The following ROBO1 variants were observed in gnomAD, a reference collection of about 807,000 sequenced individuals.
The protein encoded by ROBO1 is roundabout guidance receptor 1.
Under a neutral mutation model 195.9 loss-of-function variants are expected in ROBO1, and 149 were observed. The observed-to-expected ratio is 0.76, with a 90% CI of 0.67 to 0.87. The LOEUF is 0.87. Ranked by LOEUF, ROBO1 falls within the 40% of genes least tolerant of loss-of-function variation. The probability of loss-of-function intolerance (pLI) is 0.00; values close to 1 mark genes in which losing one functional copy is unlikely to be tolerated. For synonymous variants in ROBO1, 816 were observed against 733.2 expected, an observed-to-expected ratio of 1.11 and a Z score of -1.82; for missense variants, 1,933 against 2,068.3, an observed-to-expected ratio of 0.93 and a Z score of 1.27.
At chr3:78,704,595 TACACACACACACACACACAG>T (rs1289233088) in intron 8 of ROBO1, among the ~76,000 whole-genome samples, 3 of 141,082 alleles carry the variant, frequency 2.1e-5, no homozygotes, top group Admixed American at 1.5e-4. Context: ...AACACACACA[TACACACACACACACACACAG>T]ACACACACAC....
At chr3:79,440,775 T>C (rs1414721359) in intron 2 of ROBO1, among the ~76,000 whole-genome samples, 4 of 152,130 alleles carry the variant, frequency 2.6e-5, no homozygotes, top group Admixed American at 2.0e-4. Context: ...TGGAAGAATA[T>C]AGACACTGTT....
intron 4 of ROBO1, among the ~76,000 whole-genome samples, chr3:78,778,262 C>A (rs13087237): frequency 0.35 from 53,027 of 151,910 alleles, 10,403 homozygotes; most frequent in South Asian, 0.5. Flanking sequence ...ATTTTCGCAT[C>A]GATGTTCCTC....
chr3:79,731,660 T>C (rs1703153548), intron 1 of ROBO1, among the ~76,000 whole-genome samples: 1 of 152,144 alleles, frequency 6.6e-6, no homozygotes, highest in Non-Finnish European at 1.5e-5. Flanking sequence ...CACCCTATAC[T>C]TCAGGATAGA....
chr3:79,385,430 G>T (rs998940461), intron 2 of ROBO1, among the ~76,000 whole-genome samples: 1 of 152,016 alleles, frequency 6.6e-6, no homozygotes, highest in Non-Finnish European at 1.5e-5. Flanking sequence ...ATAAACTCTT[G>T]CTAAACAGGA....
intron 4 of ROBO1, among the ~76,000 whole-genome samples, chr3:78,928,368 A>C (rs918147953): frequency 6.6e-6 from 1 of 152,188 alleles, no homozygotes; most frequent in African/African-American, 2.4e-5. Context: ...TTTAAGAATT[A>C]TTACCAACAT....
intron 2 of ROBO1, among the ~76,000 whole-genome samples, chr3:79,348,873 C>T (rs531676163): frequency 1.3e-5 from 2 of 152,154 alleles, no homozygotes; most frequent in East Asian, 3.9e-4. Context: ...GTTTCCTCTC[C>T]AAAATAGGCC....
At chr3:78,697,272 G>C (rs949441007) in intron 8 of ROBO1, among the ~76,000 whole-genome samples, 1 of 151,118 alleles carries the variant, frequency 6.6e-6, no homozygotes, top group African/African-American at 2.4e-5. Flanking sequence ...AAGAGGGAGG[G>C]AGGGAGGGAC....
chr3:78,710,750 C>T (rs548662010), intron 8 of ROBO1, among the ~76,000 whole-genome samples: 10 of 152,166 alleles, frequency 6.6e-5, no homozygotes, highest in Non-Finnish European at 1.0e-4. Context: ...ACACCATTAT[C>T]TTTAACACAC....
chr3:78,772,097 A>G (rs1274895600), intron 4 of ROBO1, among the ~76,000 whole-genome samples: 2 of 152,124 alleles, frequency 1.3e-5, no homozygotes, highest in Non-Finnish European at 2.9e-5. Context: ...TTCCAAATCT[A>G]TGTTCCATAA....
chr3:78,666,853 C>T (rs1187634433), intron 14 of ROBO1, among the ~76,000 whole-genome samples: 4 of 152,176 alleles, frequency 2.6e-5, no homozygotes, highest in Non-Finnish European at 5.9e-5. Context: ...TTGTGTATAA[C>T]TTGTTTCTAT....
intron 3 of ROBO1, among the ~76,000 whole-genome samples, chr3:79,105,838 A>G (rs2079768456): frequency 6.6e-6 from 1 of 151,758 alleles, no homozygotes; most frequent in African/African-American, 2.4e-5. Context: ...TTTGGCTACC[A>G]GTTGGTGTTT....
chr3:79,247,230 C>G (rs1310433608), intron 2 of ROBO1, among the ~76,000 whole-genome samples: 3 of 148,362 alleles, frequency 2.0e-5, no homozygotes, highest in African/African-American at 2.5e-5. Flanking sequence ...CTTCGTTTCT[C>G]TCTATGAACA....
chr3:78,934,558 G>A (rs1411873141), intron 4 of ROBO1, among the ~76,000 whole-genome samples: 1 of 151,852 alleles, frequency 6.6e-6, no homozygotes. Flanking sequence ...ATATATGCAT[G>A]TATTTTCACA....
intron 2 of ROBO1, among the ~76,000 whole-genome samples, chr3:79,352,815 G>T (rs1039278976): frequency 6.6e-6 from 1 of 152,200 alleles, no homozygotes; most frequent in African/African-American, 2.4e-5. Flanking sequence ...ACTTACTATT[G>T]TATACATTAA....
At chr3:79,161,438 A>T (rs1262081470) in intron 2 of ROBO1, among the ~76,000 whole-genome samples, 2 of 152,154 alleles carry the variant, frequency 1.3e-5, no homozygotes, top group Admixed American at 1.3e-4. Flanking sequence ...GGGGACCAGA[A>T]GAAAACCAAA....
At chr3:79,153,706 ATATT>A (rs144772260) in intron 2 of ROBO1, among the ~76,000 whole-genome samples, 3,285 of 148,120 alleles carry the variant, frequency 0.022, 113 homozygotes, top group African/African-American at 0.074. Flanking sequence ...AGCTCTTTAT[ATATT>A]TATTTATTTG....
At chr3:79,222,869 G>A (rs1331345716) in intron 2 of ROBO1, among the ~76,000 whole-genome samples, 1 of 152,080 alleles carries the variant, frequency 6.6e-6, no homozygotes, top group Non-Finnish European at 1.5e-5. Context: ...ACAAAAACAA[G>A]AGTGTTTTTA....
At chr3:78,617,356 G>C (rs911955098) in intron 27 of ROBO1, among the ~76,000 whole-genome samples, 4 of 151,892 alleles carry the variant, frequency 2.6e-5, no homozygotes, top group Non-Finnish European at 5.9e-5. Flanking sequence ...ATTTGCTATG[G>C]CTATCCTAAA....
chr3:79,669,469 T>C (rs1046099996), intron 1 of ROBO1, among the ~76,000 whole-genome samples: 10 of 152,016 alleles, frequency 6.6e-5, no homozygotes, highest in Non-Finnish European at 1.0e-4. Context: ...TTTAGATATG[T>C]TTAGATAAAC....
Sources: gnomAD v4.1 joint callset for allele counts (sites outside exome capture counted in the v4.1 genomes callset) on GRCh38, gnomAD v4.1.1 for gene constraint, MANE v1.5 for transcripts, NCBI Gene and HGNC (gene_info 2026-07-23, HGNC 2026-07-21) for gene names.